MAGI2: variants seen among roughly 807,000 people sequenced by gnomAD.
The protein encoded by MAGI2 is membrane-associated guanylate kinase, WW and PDZ domain-containing protein 2.
MAGI2 carries 35 observed loss-of-function variants against 133.3 expected under a neutral mutation model. The ratio of observed to expected loss-of-function variants is 0.26; its 90% CI spans 0.20 to 0.35. The LOEUF is 0.35. Among genes scored for constraint, MAGI2 ranks in the 10% least tolerant of loss-of-function variants. MAGI2 has a pLI of 1.00. For missense variants in MAGI2, 1,636 were observed against 1,863.4 expected (o/e 0.88, Z 2.25); for synonymous variants, 729 against 710.6 (o/e 1.03, Z -0.41).
At chr7:79,353,438 G>A (rs1841820836) in intron 1 of MAGI2, 3 of 455,934 alleles carry the variant, frequency 6.6e-6, no homozygotes, top group South Asian at 4.6e-5. Flanking sequence ...CCAGACCCAA[G>A]ATACATTTTG....
At chr7:79,250,651 T>C (rs962242309) in intron 1 of MAGI2, among the ~76,000 whole-genome samples, 4 of 152,162 alleles carry the variant, frequency 2.6e-5, no homozygotes, top group Admixed American at 6.5e-5. Flanking sequence ...ATTGGAAGAA[T>C]CAATATTGTT....
intron 11 of MAGI2, among the ~76,000 whole-genome samples, chr7:78,195,266 A>C (rs147117952): frequency 2.0e-5 from 3 of 152,236 alleles, no homozygotes; most frequent in African/African-American, 7.2e-5. Context: ...GTGGTGCCTG[A>C]CTTTTGAATG....
chr7:79,361,310 G>A (rs1283769317), intron 1 of MAGI2, among the ~76,000 whole-genome samples: 1 of 152,140 alleles, frequency 6.6e-6, no homozygotes, highest in Non-Finnish European at 1.5e-5. Context: ...AGGGAAGAGT[G>A]TGGTCCCTTT....
chr7:78,554,516 A>T (rs567842249), intron 3 of MAGI2: 1 of 152,348 alleles, frequency 6.6e-6, no homozygotes, highest in East Asian at 1.9e-4. Context: ...TTACCCCAAA[A>T]TATAGCACCG....
At chr7:78,435,231 T>C (rs1309688979) in intron 6 of MAGI2, among the ~76,000 whole-genome samples, 1 of 152,164 alleles carries the variant, frequency 6.6e-6, no homozygotes, top group Non-Finnish European at 1.5e-5. Flanking sequence ...TGGCTTATAA[T>C]AAATGTTCAC....
At chr7:79,338,088 A>G (rs1034869427) in intron 1 of MAGI2, among the ~76,000 whole-genome samples, 14 of 152,122 alleles carry the variant, frequency 9.2e-5, no homozygotes, top group Non-Finnish European at 1.2e-4. Context: ...ATAGAAAAAA[A>G]AATACTTTTG....
intron 2 of MAGI2, among the ~76,000 whole-genome samples, chr7:78,854,153 T>G (rs1401883501): frequency 5.3e-5 from 8 of 152,166 alleles, no homozygotes; most frequent in African/African-American, 1.9e-4. Context: ...CCTTTCTAAA[T>G]TTGCTTCATG....
At chr7:79,439,976 G>A (rs773717003) in intron 1 of MAGI2, among the ~76,000 whole-genome samples, 3 of 151,980 alleles carry the variant, frequency 2.0e-5, no homozygotes, top group Non-Finnish European at 4.4e-5. Context: ...CCCTGAAATA[G>A]CACCAATAAA....
At chr7:79,334,082 T>C (rs1840268844) in intron 1 of MAGI2, among the ~76,000 whole-genome samples, 1 of 152,168 alleles carries the variant, frequency 6.6e-6, no homozygotes, top group Non-Finnish European at 1.5e-5. Context: ...TATACACATC[T>C]AGTAAACACC....
intron 2 of MAGI2, among the ~76,000 whole-genome samples, chr7:78,743,496 C>T (rs964347439): frequency 6.6e-6 from 1 of 152,158 alleles, no homozygotes; most frequent in Admixed American, 6.5e-5. Context: ...TTTGTGCCTG[C>T]AGTACATTTT....
Position 78,160,254 on chromosome 7 carries a change from G to C in MAGI2, c.2616C>G (p.Asn872Lys), listed in dbSNP as rs148005928. Residue 872 changes from asparagine to lysine, a missense_variant, in exon 16 of 22, where the codon AAC becomes AAG. Physicochemically the swap from Asn to Lys is moderately conservative, Grantham distance 94. This residue lies in a region of MAGI2 where 920 missense variants were observed against 1,093.5 expected (regional missense o/e 0.84). Transcript: ENST00000354212. Reference protein sequence around the residue: ...VLCGGEPCPENGRSPGSVSTH... With the variant: ...VLCGGEPCPEKGRSPGSVSTH... Reference sequence around the variant, plus strand: ...TGGATACAGAGCCTGGACTTCTCCCGTTCTCTGGGCAGGGCTCCCCTGCAA... The same window carrying C: ...TGGATACAGAGCCTGGACTTCTCCCCTTCTCTGGGCAGGGCTCCCCTGCAA... 2 of 1,596,884 alleles carry C rather than the reference G, an allele frequency of 1.3e-6. No homozygotes were observed. Among genetic ancestry groups the C allele is most frequent in the Non-Finnish European group, 1.7e-6 (2 of 1,170,512 alleles).
chr7:78,712,716 T>C (rs1027053050), intron 2 of MAGI2, among the ~76,000 whole-genome samples: 3 of 152,174 alleles, frequency 2.0e-5, no homozygotes, highest in Non-Finnish European at 2.9e-5. Context: ...AAATGATAGG[T>C]AATGACATTA....
At chr7:78,561,963 T>C (rs1800453619) in intron 3 of MAGI2, among the ~76,000 whole-genome samples, 1 of 152,102 alleles carries the variant, frequency 6.6e-6, no homozygotes, top group African/African-American at 2.4e-5. Context: ...TACCATAGCA[T>C]GCTCACATGC....
Position 79,234,803 on chromosome 7 carries a change from C to T in MAGI2, c.301+218217G>A, listed in dbSNP as rs1183186478. ...CCTTCTTCTCTCAGCTCGTCAAAGT[C>T]ATTCTCCATCCAGCTTTGTTCCGTT... is the stretch of plus-strand genomic sequence containing the variant. On this transcript the variant is annotated intron_variant, in intron 1 of 21. Coordinates refer to ENST00000354212, the MANE Select transcript of MAGI2 (RefSeq NM_012301.4). Among the ~76,000 whole-genome samples, 10 of 151,390 alleles carry T rather than the reference C, an allele frequency of 6.6e-5. No individual in the cohort carries two copies. The East Asian group carries it at 1.9e-3, about 29-fold the overall frequency.
chr7:79,220,355 G>A (rs1454834125), intron 1 of MAGI2, among the ~76,000 whole-genome samples: 2 of 151,868 alleles, frequency 1.3e-5, no homozygotes, highest in East Asian at 1.9e-4. Flanking sequence ...TTATACATGA[G>A]GAAGAAAGGC....
At chr7:78,681,892 TTA>T (rs1815706861) in intron 2 of MAGI2, among the ~76,000 whole-genome samples, 1 of 152,094 alleles carries the variant, frequency 6.6e-6, no homozygotes, top group Non-Finnish European at 1.5e-5. Flanking sequence ...ATCACAACCT[TTA>T]TATGACAACC....
At chr7:79,230,191 T>C (rs1394416203) in intron 1 of MAGI2, among the ~76,000 whole-genome samples, 3 of 150,476 alleles carry the variant, frequency 2.0e-5, no homozygotes, top group South Asian at 2.1e-4. Flanking sequence ...CAGTCTATCA[T>C]TGTTGGACAT....
chr7:78,651,378 A>G (rs909664580), intron 2 of MAGI2, among the ~76,000 whole-genome samples: 11 of 151,904 alleles, frequency 7.2e-5, no homozygotes, highest in African/African-American at 2.7e-4. Flanking sequence ...AATTCCTTCA[A>G]TGTCTACATT....
chr7:78,685,535 T>A (rs1816192286), intron 2 of MAGI2, among the ~76,000 whole-genome samples: 3 of 147,056 alleles, frequency 2.0e-5, no homozygotes, highest in South Asian at 2.5e-4. Context: ...GCTAGAGAAC[T>A]ACAAGAACAT....
Sources: gnomAD v4.1 joint callset for allele counts (sites outside exome capture counted in the v4.1 genomes callset) on GRCh38, gnomAD v4.1.1 for gene constraint, gnomAD v4.1.1 regional missense constraint, MANE v1.5 for transcripts, NCBI Gene and HGNC (gene_info 2026-07-23, HGNC 2026-07-21) for gene names.